The following MROH1 variants were observed in gnomAD, a reference collection of about 807,000 sequenced individuals.
The protein encoded by MROH1 is maestro heat like repeat family member 1, also known as maestro heat-like repeat-containing protein family member 1.
In MROH1, 117 loss-of-function variants were observed where a neutral mutation model predicts 116.5. That is an observed-to-expected ratio of 1.00 (90% CI 0.86 to 1.17). MROH1 has a LOEUF of 1.17. Ranked by LOEUF, MROH1 falls within the 50% of genes most tolerant of loss-of-function variation. The probability of loss-of-function intolerance (pLI) is 0.00; values close to 1 mark genes in which losing one functional copy is unlikely to be tolerated. For synonymous variants in MROH1, 921 were observed against 583.9 expected (o/e 1.58, Z -8.32); for missense variants, 1,873 against 1,338.5 (o/e 1.40, Z -6.23).
At chr8:144,198,069 GAA>G (rs1830344261) in intron 10 of MROH1, among the ~76,000 whole-genome samples, 1 of 147,596 alleles carries the variant, frequency 6.8e-6, no homozygotes, top group African/African-American at 2.5e-5. Context: ...AAAAAAGAAA[GAA>G]AAATAAATAA....
intron 9 of MROH1, 130 bp from the exon 10 acceptor site, chr8:144,192,179 G>C: frequency 1.3e-6 from 1 of 771,000 alleles, no homozygotes; most frequent in Non-Finnish European, 2.0e-6. Context: ...CCTCATTTGA[G>C]CCCCAAGGTG....
In MROH1 at chr8:144,192,370, T is replaced by G. The variant is rs1828841646; in HGVS notation, c.917T>G (p.Leu306Arg). The G allele has an allele frequency of 2.5e-6, 4 of 1,597,878 alleles. No individual in the cohort carries two copies. Among genetic ancestry groups the G allele is most frequent in the Non-Finnish European group, 3.4e-6 (4 of 1,175,508 alleles). ...SVGSRTLETQ[L>R]DALLAALHSQ... Reference sequence around the variant, plus strand: ...GGCAGCCGCACACTGGAGACCCAGCTGGATGCCCTCTTGGCTGCACTGCAC... The same window carrying G: ...GGCAGCCGCACACTGGAGACCCAGCGGGATGCCCTCTTGGCTGCACTGCAC... Residue 306 changes from leucine (L) to arginine (R), a missense_variant, in exon 10 of 44, where the codon CTG becomes CGG. Coordinates refer to ENST00000326134, the MANE Select transcript of MROH1 (RefSeq NM_032450.3).
intron 14 of MROH1, among the ~76,000 whole-genome samples, chr8:144,226,613 C>A (rs368851387): frequency 6.6e-6 from 1 of 152,092 alleles, no homozygotes; most frequent in Non-Finnish European, 1.5e-5. Flanking sequence ...CCACCACACC[C>A]GTCTAAGTTT....
chr8:144,242,006 A>C (rs1018674585), intron 22 of MROH1, among the ~76,000 whole-genome samples: 5,355 of 152,310 alleles, frequency 0.035, 105 homozygotes, highest in Middle Eastern at 0.054. Flanking sequence ...GTGCGGATGG[A>C]GGCTGATCTG....
rs556181950 is a variant in MROH1, at chr8:144,158,884, G to C, written c.-176-2086G>C. ...CTCCCGAGTAGCTGGGACTACAGGC[G>C]CACGCCACCACGCCCAGCTAGTTTT... is the stretch of plus-strand genomic sequence containing the variant. On this transcript the variant is annotated intron_variant, in intron 1 of 43. Transcript: ENST00000326134. Among the ~76,000 whole-genome samples the C allele has an allele frequency of 2.0e-5, 3 of 152,112 alleles. No individual in the cohort carries two copies. In the East Asian group the frequency reaches 5.8e-4, roughly 29 times the overall value.
At chr8:144,171,241 C>T (rs940032565) in intron 4 of MROH1, among the ~76,000 whole-genome samples, 1 of 152,196 alleles carries the variant, frequency 6.6e-6, no homozygotes, top group Non-Finnish European at 1.5e-5. Flanking sequence ...AGGGTTTTCA[C>T]GACCCCCTCC....
At chr8:144,259,054 G>T in intron 36 of MROH1, 140 bp downstream of exon 36, 2 of 647,284 alleles carry the variant, frequency 3.1e-6, no homozygotes, top group South Asian at 3.4e-5. Flanking sequence ...CACTCTCTGG[G>T]GCAGGGGTAG....
intron 4 of MROH1, among the ~76,000 whole-genome samples, chr8:144,171,296 A>G (rs917543690): frequency 6.6e-6 from 1 of 152,234 alleles, no homozygotes; most frequent in African/African-American, 2.4e-5. Context: ...ATGCAGGGAC[A>G]GAGTGGCCTG....
chr8:144,194,908 G>A (rs13252882), intron 10 of MROH1, among the ~76,000 whole-genome samples: 146,948 of 151,754 alleles, frequency 0.97, 71,303 homozygotes, highest in South Asian at 1. Flanking sequence ...ACCTTGTCTC[G>A]AAAAAGAAAA....
chr8:144,170,369 C>T (rs1171403215), intron 4 of MROH1, among the ~76,000 whole-genome samples: 1 of 152,200 alleles, frequency 6.6e-6, no homozygotes, highest in Non-Finnish European at 1.5e-5. Context: ...ACATATTATA[C>T]ACATGCTGAG....
chr8:144,197,257 A>T (rs549363959), intron 10 of MROH1, among the ~76,000 whole-genome samples: 5 of 151,982 alleles, frequency 3.3e-5, no homozygotes, highest in African/African-American at 1.2e-4. Context: ...GGGTTGGAGG[A>T]TCTGCTTCCA....
chr8:144,252,548 G>T (rs1843004032), intron 33 of MROH1: 1 of 151,468 alleles, frequency 6.6e-6, no homozygotes, highest in African/African-American at 2.4e-5. Context: ...GGCGCCTGTA[G>T]TCCCAGCTAC....
chr8:144,208,785 G>A (rs959731128), intron 12 of MROH1, among the ~76,000 whole-genome samples: 3 of 151,532 alleles, frequency 2.0e-5, no homozygotes, highest in South Asian at 2.1e-4. Context: ...GTACAGTGGC[G>A]CGACCTTGGC....
At chr8:144,171,885 G>A (rs971434574) in intron 4 of MROH1, among the ~76,000 whole-genome samples, 1 of 152,166 alleles carries the variant, frequency 6.6e-6, no homozygotes, top group Non-Finnish European at 1.5e-5. Flanking sequence ...ACCCGGGAGC[G>A]ACGTGGAAAA....
intron 35 of MROH1, among the ~76,000 whole-genome samples, chr8:144,258,563 C>T (rs1002167822): frequency 2.6e-5 from 4 of 152,216 alleles, no homozygotes; most frequent in African/African-American, 9.7e-5. Flanking sequence ...GCTACTAGCT[C>T]ACCTCCAAGC....
Position 144,255,466 on chromosome 8 carries a change from C to T in MROH1, c.3595-43C>T, listed in dbSNP as rs1417914446. 1.1e-4 allele frequency: 87 copies of T among 769,828 alleles called. 1 individual carries two copies. The highest frequency in any genetic ancestry group is 1.5e-4 in the South Asian group (11 of 72,918). 47.7% of individuals were successfully genotyped at this position (769,828 alleles called of 1,614,324 possible). A position where few individuals can be genotyped will look rare whatever the true frequency, so the allele number is the denominator to read the frequency against. On this transcript the variant is annotated intron_variant, in intron 34 of 43. Coordinates refer to ENST00000326134, the MANE Select transcript of MROH1 (RefSeq NM_032450.3). ...TTGGGTGCAGGGCTCAGATCTCCTG[C>T]GGCCTGGAGGGAGGCATGGCCCTGT...
In MROH1 at chr8:144,224,985, T is replaced by G. The variant is rs148838601; in HGVS notation, c.1338+1755T>G. ...TAGAATTAGTTATTATTTTACTGTT[T>G]TATCTATATTACCACACCTAACTTT... On this transcript the variant is annotated intron_variant, in intron 14 of 43. Transcript: ENST00000326134. Among the ~76,000 whole-genome samples, 7 of 152,332 alleles carry G rather than the reference T, an allele frequency of 4.6e-5. No individual in the cohort carries two copies. The East Asian group carries it at 1.3e-3, about 29-fold the overall frequency.
At chr8:144,247,521 G>T (rs1029287913) in intron 30 of MROH1, 46 bp from the exon 31 acceptor site, 8 of 758,872 alleles carry the variant, frequency 1.1e-5, no homozygotes, top group Non-Finnish European at 2.0e-5. Flanking sequence ...CTGTGGGATC[G>T]CCAGGGAGGG....
chr8:144,153,981 C>T (rs1044858306), intron 1 of MROH1, among the ~76,000 whole-genome samples: 3 of 152,146 alleles, frequency 2.0e-5, no homozygotes, highest in Admixed American at 6.6e-5. Context: ...AGGATGGTCT[C>T]GATCTCTTGA....
Sources: allele counts gnomAD v4.1 joint callset (sites outside exome capture counted in the v4.1 genomes callset), GRCh38; gene constraint gnomAD v4.1.1; transcripts MANE v1.5; gene names NCBI Gene and HGNC (gene_info 2026-07-23, HGNC 2026-07-21).